ANGEL1: variants seen among roughly 807,000 people sequenced by gnomAD.
ANGEL1 encodes RNA 2',3'-cyclic phosphatase ANGEL1.
ANGEL1 carries 62 observed loss-of-function variants against 76.4 expected under a neutral mutation model. The observed-to-expected ratio is 0.81, with a 90% CI of 0.66 to 1.00. The LOEUF (loss-of-function observed/expected upper bound fraction) is 1.00. ANGEL1 is among the 50% of genes least tolerant of loss of function. The pLI, the probability that ANGEL1 is intolerant of heterozygous loss-of-function variation, is 0.00. For synonymous variants in ANGEL1, 340 were observed against 331.7 expected (o/e 1.03, Z -0.27); for missense variants, 737 against 836.7 (o/e 0.88, Z 1.47).
chr14:76,810,321 T>C (rs1895047231), intron 1 of ANGEL1: 3 of 411,326 alleles, frequency 7.3e-6, no homozygotes, highest in Admixed American at 2.5e-5. Flanking sequence ...CTTGGGAGGC[T>C]GAAATGAGAG....
rs1894287082 is a variant in ANGEL1, at chr14:76,787,511, G to A, written c.*1717C>T. On this transcript the variant is annotated 3_prime_UTR_variant, in exon 10 of 10. Transcript: ENST00000251089. Reference sequence around the variant, plus strand: ...AGACAGACAGAATGAATGGTGGGGTGTAGACAGACCTGGGGCTCAGACAGG... The same window carrying A: ...AGACAGACAGAATGAATGGTGGGGTATAGACAGACCTGGGGCTCAGACAGG... 6.5e-6 allele frequency: 1 copy of A among 152,726 alleles called. No homozygotes were observed. The highest frequency in any genetic ancestry group is 1.5e-5 in the Non-Finnish European group (1 of 68,116). The allele number at this position is 152,726 out of a possible 1,614,324, so 9.5% of individuals were successfully genotyped here. A position where few individuals can be genotyped will look rare whatever the true frequency, so the allele number is the denominator to read the frequency against.
chr14:76,809,639 A>AGCATCTG lies in ANGEL1; in HGVS notation c.68_69insCAGATGC (p.Phe24ArgfsTer32), dbSNP rs747563823. ...GGACATTTTTTCGACATGTGAAGAA[A>AGCATCTG]GCATCTAGGAGGAAAGCCAAAATAC... On this transcript the variant is annotated frameshift_variant, in exon 2 of 10. Transcript: ENST00000251089. LOFTEE classifies it high-confidence loss of function. The AGCATCTG allele has an allele frequency of 3.1e-5, 50 of 1,610,566 alleles. No homozygotes were observed. Among genetic ancestry groups the AGCATCTG allele is most frequent in the Non-Finnish European group, 4.2e-5 (49 of 1,177,954 alleles).
chr14:76,791,230 T>G (rs1894396136), intron 8 of ANGEL1, 67 bp downstream of exon 8: 1 of 1,550,410 alleles, frequency 6.4e-7, no homozygotes, highest in Non-Finnish European at 8.9e-7. Flanking sequence ...GGACAACCAA[T>G]GGGAATCTCT....
At chr14:76,794,980 G>A (rs1894534730) in intron 7 of ANGEL1, among the ~76,000 whole-genome samples, 1 of 151,802 alleles carries the variant, frequency 6.6e-6, no homozygotes, top group Non-Finnish European at 1.5e-5. Flanking sequence ...CTTCTATTTT[G>A]CTATATTTCT....
rs1895022387 is a variant in ANGEL1 at position 76,809,520 on chromosome 14, T to A, written c.188A>T (p.Gln63Leu). ...EQEECEGLLQQWREEGLSQVL... is the reference protein window; with the variant it reads ...EQEECEGLLQLWREEGLSQVL... The stretch of plus-strand genomic sequence containing the variant: ...CTGGCTCAACCCTTCTTCTCGCCAC[T>A]GCTGCAGCAGGCCCTCACATTCCTC... Residue 63 changes from glutamine (Q) to leucine (L), a missense_variant, in exon 2 of 10, where the codon CAG (glutamine) becomes CTG (leucine). This residue lies in a region of ANGEL1 where 441 missense variants were observed against 449.5 expected (regional missense o/e 0.98). Transcript: ENST00000251089. 1.2e-6 allele frequency: 2 copies of A among 1,614,144 alleles called. No individual in the cohort carries two copies. Among genetic ancestry groups the A allele is most frequent in the Non-Finnish European group, 1.7e-6 (2 of 1,180,056 alleles).
In ANGEL1 at chr14:76,790,677, C is replaced by A. The variant is rs1284722300; in HGVS notation, c.1786G>T (p.Gly596Cys). The change falls in exon 9 of 10, where the codon GGT (glycine) becomes TGT (cysteine). Residue 596 changes from glycine (G) to cysteine (C), a missense_variant. Transcript: ENST00000251089. The part of the protein sequence containing the change: ...GRPEVTTMPL[G>C]LGMTVDYIFF... ...ATGTAATCTACTGTCATTCCAAGAC[C>A]CAATGGCATTGTAGTGACCTCTGGG... 6 of 1,614,026 alleles carry A rather than the reference C, an allele frequency of 3.7e-6. No homozygotes were observed. The African/African-American group carries it at 6.7e-5, about 18-fold the overall frequency.
intron 1 of ANGEL1, among the ~76,000 whole-genome samples, chr14:76,811,746 G>A (rs72737533): frequency 0.13 from 19,225 of 152,178 alleles, 1,358 homozygotes; most frequent in East Asian, 0.25. Flanking sequence ...AGTGCCTACT[G>A]TATACCAAGC....
intron 2 of ANGEL1, among the ~76,000 whole-genome samples, chr14:76,808,698 CAG>C (rs1894995319): frequency 6.6e-6 from 1 of 152,180 alleles, no homozygotes; most frequent in African/African-American, 2.4e-5. Context: ...GTGACTGAGA[CAG>C]AGACTAGAGG....
At position 76,796,102 on chromosome 14, in the gene ANGEL1, T is replaced by A. The variant is rs145386598; in HGVS notation, c.1619-4736A>T. Among the ~76,000 whole-genome samples, 139 of 152,216 alleles carry A rather than the reference T, an allele frequency of 9.1e-4. 1 individual carries two copies. In the East Asian group the frequency reaches 0.025, roughly 28 times the overall value. The stretch of plus-strand genomic sequence containing the variant: ...TAAATATTTTATGTAATTCTATGAA[T>A]TTTTTCTTGAACACCATTTTAGCTA... On this transcript the variant is annotated intron_variant, in intron 7 of 9. Transcript: ENST00000251089.
chr14:76,788,336 C>A lies in ANGEL1; in HGVS notation c.*892G>T, dbSNP rs559552753. The A allele has an allele frequency of 6.6e-6, 1 of 152,362 alleles. No homozygotes were observed. Among genetic ancestry groups the A allele is most frequent in the African/African-American group, 2.4e-5 (1 of 41,576 alleles). 9.4% of individuals were successfully genotyped at this position (152,362 alleles called of 1,614,324 possible). A position where few individuals can be genotyped will look rare whatever the true frequency, so the allele number is the denominator to read the frequency against. The stretch of plus-strand genomic sequence containing the variant: ...CCTGAAGACTCTTTCTCCTCCTAAT[C>A]CTTAAATAGTTTTAAACCTCATACC... On this transcript the variant is annotated 3_prime_UTR_variant, in exon 10 of 10. Transcript: ENST00000251089.
chr14:76,807,383 A>T, intron 4 of ANGEL1, 50 bp downstream of exon 4: 1 of 1,557,492 alleles, frequency 6.4e-7, no homozygotes, highest in Non-Finnish European at 8.8e-7. Context: ...GAGAGAGTAG[A>T]CAAGTCTGTG....
At chr14:76,806,183 C>G (rs1417823242) in intron 5 of ANGEL1, among the ~76,000 whole-genome samples, 2 of 152,142 alleles carry the variant, frequency 1.3e-5, no homozygotes, top group African/African-American at 4.8e-5. Flanking sequence ...TTACGTATTA[C>G]TTGTGAATTA....
Position 76,809,518 on chromosome 14 carries a change from A to T in ANGEL1, c.190T>A (p.Trp64Arg). 6.2e-7 allele frequency: 1 copy of T among 1,614,214 alleles called. No homozygotes were observed. The highest frequency in any genetic ancestry group is 8.5e-7 in the Non-Finnish European group (1 of 1,180,030). ...ACCTGGCTCAACCCTTCTTCTCGCC[A>T]CTGCTGCAGCAGGCCCTCACATTCC... The part of the protein sequence containing the change: ...QEECEGLLQQ[W>R]REEGLSQVLS... The change falls in exon 2 of 10, where the codon TGG (tryptophan) becomes AGG (arginine). Residue 64 changes from tryptophan (W) to arginine (R), a missense_variant. By Grantham distance (101) the Trp-to-Arg change is moderately radical. This residue lies in a region of ANGEL1 where 441 missense variants were observed against 449.5 expected (regional missense o/e 0.98). Transcript: ENST00000251089.
chr14:76,788,852 A>G lies in ANGEL1; in HGVS notation c.*376T>C. On this transcript the variant is annotated 3_prime_UTR_variant, in exon 10 of 10. Coordinates refer to ENST00000251089, the MANE Select transcript of ANGEL1 (RefSeq NM_015305.4). The stretch of plus-strand genomic sequence containing the variant: ...AAGTCCTGAAGGCAGGGAAAAGGTC[A>G]GGTCAGAAGGTACATCAAGAAACGG... 5.3e-6 allele frequency: 1 copy of G among 190,130 alleles called. No homozygotes were observed. The allele number at this position is 190,130 out of a possible 1,614,324, so 11.8% of individuals were successfully genotyped here.
intron 5 of ANGEL1, among the ~76,000 whole-genome samples, chr14:76,805,896 G>T (rs1016425239): frequency 5.3e-5 from 8 of 152,188 alleles, no homozygotes; most frequent in Non-Finnish European, 2.9e-5. Flanking sequence ...TTATAAAATG[G>T]AAGCCATGAT....
At chr14:76,803,245 A>C in intron 7 of ANGEL1, 126 bp downstream of exon 7, 1 of 753,832 alleles carries the variant, frequency 1.3e-6, no homozygotes, top group Non-Finnish European at 2.1e-6. Context: ...TTCCTTCTAA[A>C]TATACGTATT....
intron 7 of ANGEL1, among the ~76,000 whole-genome samples, chr14:76,792,372 AGAG>A (rs1894432588): frequency 1.3e-5 from 2 of 152,218 alleles, no homozygotes; most frequent in Admixed American, 6.5e-5. Flanking sequence ...TCCAAAAAAA[AGAG>A]GAGACACTTC....
In ANGEL1 at chr14:76,801,010, T is replaced by C. The variant is rs116330327; in HGVS notation, c.1618+2361A>G. On this transcript the variant is annotated intron_variant, in intron 7 of 9. Coordinates refer to ENST00000251089, the MANE Select transcript of ANGEL1 (RefSeq NM_015305.4). Reference sequence around the variant, plus strand: ...AAGTCTGAGGTCAACCTCATCACCGTTAGGCTTCAAAGTACCTCAATCTTT... The same window carrying C: ...AAGTCTGAGGTCAACCTCATCACCGCTAGGCTTCAAAGTACCTCAATCTTT... Among the ~76,000 whole-genome samples the C allele has an allele frequency of 9.4e-3, 1,432 of 152,096 alleles. 26 individuals are homozygous for C. The highest frequency in any genetic ancestry group is 0.033 in the African/African-American group (1,366 of 41,500).
intron 5 of ANGEL1, chr14:76,804,420 G>T: frequency 1.0e-6 from 1 of 999,252 alleles, no homozygotes; most frequent in South Asian, 4.6e-5. Flanking sequence ...AGCAGCCTGG[G>T]AACGGACAAA....
Sources: gnomAD v4.1 joint callset for allele counts (sites outside exome capture counted in the v4.1 genomes callset) on GRCh38, gnomAD v4.1.1 for gene constraint, gnomAD v4.1.1 regional missense constraint, MANE v1.5 for transcripts, NCBI Gene and HGNC (gene_info 2026-07-23, HGNC 2026-07-21) for gene names.